Variants in KIF26B observed in about 807,000 individuals in gnomAD.
KIF26B encodes the protein kinesin family member 26B.
KIF26B carries 63 observed loss-of-function variants against 151.2 expected under a neutral mutation model. That is an observed-to-expected ratio of 0.42 (90% CI 0.34 to 0.51). The LOEUF (loss-of-function observed/expected upper bound fraction) is 0.51. KIF26B is among the 20% of genes least tolerant of loss of function. The pLI, the probability that KIF26B is intolerant of heterozygous loss-of-function variation, is 0.07. For missense variants in KIF26B, 2,813 were observed against 2,913.6 expected (o/e 0.97, Z 0.79); for synonymous variants, 1,357 against 1,262.1 (o/e 1.08, Z -1.59).
chr1:245,349,420 C>T (rs918256915), intron 2 of KIF26B, among the ~76,000 whole-genome samples: 1 of 152,008 alleles, frequency 6.6e-6, no homozygotes, highest in African/African-American at 2.4e-5. Flanking sequence ...TAAATAATAA[C>T]ATTAACAGGT....
rs140165207 is a variant in KIF26B, at chr1:245,605,867, C to T, written c.1558-1784C>T. On this transcript the variant is annotated intron_variant, in intron 6 of 14. Coordinates refer to ENST00000407071, the MANE Select transcript of KIF26B (RefSeq NM_018012.4). ...GGTCTCCTCTCGCCCCCGGCCTCTG[C>T]ACGGGTGACTCAGTGTGGTCCACAC... Among the ~76,000 whole-genome samples, 1,175 of 152,296 alleles carry T rather than the reference C, an allele frequency of 7.7e-3. 10 individuals are homozygous for T. Among genetic ancestry groups the T allele is most frequent in the Admixed American group, 0.029 (442 of 15,312 alleles).
At chr1:245,578,443 T>A (rs1391485263) in intron 5 of KIF26B, among the ~76,000 whole-genome samples, 1 of 152,208 alleles carries the variant, frequency 6.6e-6, no homozygotes, top group Non-Finnish European at 1.5e-5. Flanking sequence ...TGCACAGGGC[T>A]CCCTTCTGTC....
At chr1:245,362,621 A>T (rs886543993) in intron 2 of KIF26B, among the ~76,000 whole-genome samples, 5 of 152,038 alleles carry the variant, frequency 3.3e-5, no homozygotes, top group Non-Finnish European at 5.9e-5. Context: ...AGATGCTTAA[A>T]TTCTCCTCTC....
At chr1:245,591,050 G>A (rs2043284128) in intron 5 of KIF26B, among the ~76,000 whole-genome samples, 1 of 152,170 alleles carries the variant, frequency 6.6e-6, no homozygotes, top group South Asian at 2.1e-4. Context: ...GGAGATCCAG[G>A]GAAGCAGTGA....
intron 2 of KIF26B, among the ~76,000 whole-genome samples, chr1:245,238,170 TA>T (rs1314400813): frequency 6.6e-6 from 1 of 151,646 alleles, no homozygotes; most frequent in Non-Finnish European, 1.5e-5. Context: ...CCATCTCTAC[TA>T]AAAAAAATAC....
At chr1:245,661,961 CATATAT>C (rs62636738) in intron 10 of KIF26B, among the ~76,000 whole-genome samples, 2 of 40,028 alleles carry the variant, frequency 5.0e-5, no homozygotes, top group South Asian at 1.1e-3. Context: ...ACACACACCC[CATATAT>C]ATATATACTC....
chr1:245,414,617 G>A (rs1034134629), intron 3 of KIF26B, among the ~76,000 whole-genome samples: 1 of 152,174 alleles, frequency 6.6e-6, no homozygotes, highest in Non-Finnish European at 1.5e-5. Context: ...ACTGAGAAAG[G>A]GAATATGGAG....
intron 4 of KIF26B, among the ~76,000 whole-genome samples, chr1:245,526,669 G>C (rs1661241413): frequency 1.3e-5 from 2 of 152,194 alleles, no homozygotes; most frequent in Non-Finnish European, 2.9e-5. Flanking sequence ...AATTAGCTTT[G>C]CTCTGAAAGA....
At chr1:245,456,325 T>G (rs1429001500) in intron 4 of KIF26B, among the ~76,000 whole-genome samples, 1 of 152,250 alleles carries the variant, frequency 6.6e-6, no homozygotes, top group Non-Finnish European at 1.5e-5. Flanking sequence ...TGAATATGTT[T>G]GCACACAAAT....
intron 2 of KIF26B, among the ~76,000 whole-genome samples, chr1:245,295,634 G>A (rs997371341): frequency 2.6e-5 from 4 of 152,218 alleles, no homozygotes; most frequent in Non-Finnish European, 4.4e-5. Flanking sequence ...AGGAGGTGAC[G>A]AGAGTGAACT....
intron 2 of KIF26B, among the ~76,000 whole-genome samples, chr1:245,309,663 A>C (rs914249343): frequency 1.4e-5 from 2 of 147,980 alleles, no homozygotes; most frequent in Admixed American, 1.4e-4. Context: ...TATAATATGA[A>C]ATAAATTAAT....
intron 2 of KIF26B, among the ~76,000 whole-genome samples, chr1:245,214,376 A>G (rs1558347893): frequency 1.3e-5 from 2 of 152,156 alleles, no homozygotes; most frequent in Non-Finnish European, 1.5e-5. Flanking sequence ...TCCTGCCTCT[A>G]AAAACATTTT....
intron 9 of KIF26B, among the ~76,000 whole-genome samples, chr1:245,630,650 G>A (rs1429747710): frequency 6.6e-6 from 1 of 152,120 alleles, no homozygotes; most frequent in Non-Finnish European, 1.5e-5. Flanking sequence ...TTAAAACCTA[G>A]ATGACAGTTT....
chr1:245,161,446 T>C (rs1344125563), intron 2 of KIF26B, among the ~76,000 whole-genome samples: 1 of 152,232 alleles, frequency 6.6e-6, no homozygotes, highest in Non-Finnish European at 1.5e-5. Context: ...TGGCTGAGGC[T>C]GGTAGTTTGT....
At chr1:245,510,707 G>A (rs1237029975) in intron 4 of KIF26B, among the ~76,000 whole-genome samples, 1 of 128,346 alleles carries the variant, frequency 7.8e-6, no homozygotes. Flanking sequence ...GCAGACACCA[G>A]AGTGAAACTG....
chr1:245,670,520 T>A (rs1344077228), intron 10 of KIF26B, among the ~76,000 whole-genome samples: 1 of 136,424 alleles, frequency 7.3e-6, no homozygotes, highest in Non-Finnish European at 1.7e-5. Flanking sequence ...GTGAAATAAA[T>A]GTCTCATTTA....
intron 4 of KIF26B, among the ~76,000 whole-genome samples, chr1:245,508,521 CT>C (rs1346454788): frequency 6.6e-6 from 1 of 152,118 alleles, no homozygotes. Flanking sequence ...TGATCCTTAA[CT>C]TTTAATCTAC....
At chr1:245,613,981 C>G (rs2043556507) in intron 9 of KIF26B, among the ~76,000 whole-genome samples, 1 of 152,160 alleles carries the variant, frequency 6.6e-6, no homozygotes, top group Non-Finnish European at 1.5e-5. Flanking sequence ...CCCTGGCAAC[C>G]ACGGATCTGA....
chr1:245,540,757 T>C lies in KIF26B; in HGVS notation c.1167-10T>C, dbSNP rs1197876254. 6.2e-7 allele frequency: 1 copy of C among 1,612,740 alleles called. No homozygotes were observed. On this transcript the variant is annotated splice_polypyrimidine_tract_variant and intron_variant, in intron 4 of 14. Coordinates refer to ENST00000407071, the MANE Select transcript of KIF26B (RefSeq NM_018012.4). The surrounding 1 kb of genome is among the most constrained non-coding windows in gnomAD (Gnocchi z 4.6). The stretch of plus-strand genomic sequence containing the variant: ...TCATTTTCCCCTTATTGTTCCTTTT[T>C]CCACTCCAGAGCTGCCCAGAAGTTA...
Sources: allele counts gnomAD v4.1 joint callset (sites outside exome capture counted in the v4.1 genomes callset), GRCh38; gene constraint gnomAD v4.1.1; non-coding constraint Gnocchi (gnomAD v3.1); transcripts MANE v1.5; gene names NCBI Gene and HGNC (gene_info 2026-07-23, HGNC 2026-07-21).